GRM3: variants seen among roughly 807,000 people sequenced by gnomAD.
GRM3 encodes glutamate metabotropic receptor 3.
A neutral mutation model predicts 70.5 loss-of-function variants in GRM3; 26 were observed. The observed-to-expected ratio is 0.37, with a 90% CI of 0.27 to 0.51. GRM3 has a LOEUF of 0.51. Ranked by LOEUF, GRM3 falls within the 20% of genes least tolerant of loss-of-function variation. The pLI is 0.93. For synonymous variants in GRM3, 443 were observed against 434.9 expected (o/e 1.02, Z -0.23); for missense variants, 859 against 1,123.8 (o/e 0.76, Z 3.37).
chr7:86,647,367 C>T (rs1414122671), intron 1 of GRM3, among the ~76,000 whole-genome samples: 2 of 152,134 alleles, frequency 1.3e-5, no homozygotes, highest in Non-Finnish European at 2.9e-5. Flanking sequence ...AGCACATTGG[C>T]TTGGGGGTGA....
At chr7:86,733,823 T>C (rs952831733) in intron 1 of GRM3, among the ~76,000 whole-genome samples, 2 of 152,174 alleles carry the variant, frequency 1.3e-5, no homozygotes, top group South Asian at 2.1e-4. Context: ...GCACAGGCCA[T>C]ATGTACAGCA....
intron 1 of GRM3, among the ~76,000 whole-genome samples, chr7:86,714,826 G>T (rs1795279601): frequency 6.6e-6 from 1 of 151,920 alleles, no homozygotes; most frequent in South Asian, 2.1e-4. Flanking sequence ...CCAGGCAAGG[G>T]TTATGATAAT....
intron 3 of GRM3, among the ~76,000 whole-genome samples, chr7:86,799,862 G>A (rs1797642291): frequency 6.6e-6 from 1 of 152,114 alleles, no homozygotes; most frequent in African/African-American, 2.4e-5. Flanking sequence ...TTAACGTGAA[G>A]GTATGTTGAA....
chr7:86,815,036 T>C (rs1168854554), intron 3 of GRM3, among the ~76,000 whole-genome samples: 2 of 151,798 alleles, frequency 1.3e-5, no homozygotes, highest in African/African-American at 2.4e-5. Context: ...CTATGTTCAA[T>C]TTAGGACTTA....
intron 1 of GRM3, among the ~76,000 whole-genome samples, chr7:86,726,285 A>T (rs1377863293): frequency 1.3e-5 from 2 of 152,190 alleles, no homozygotes; most frequent in African/African-American, 4.8e-5. Context: ...TCCTTCAGTC[A>T]TGGGACCTTG....
Position 86,786,988 on chromosome 7 carries a change from C to T in GRM3, c.1196C>T (p.Ala399Val), listed in dbSNP as rs2116549797. ...KIMFVVNAVYAMAHALHKMQR... is the reference protein window; with the variant it reads ...KIMFVVNAVYVMAHALHKMQR... ...ATGTTTGTGGTGAACGCGGTGTATG[C>T]CATGGCCCACGCTTTGCACAAAATG... Residue 399 changes from alanine to valine, a missense_variant, in exon 3 of 6, where the codon GCC (alanine) becomes GTC (valine). Physicochemically the swap from Ala to Val is moderately conservative, Grantham distance 64. Coordinates refer to ENST00000361669, the MANE Select transcript of GRM3 (RefSeq NM_000840.3). This position sits in a 1 kb window ranked among gnomAD's most constrained non-coding sequence, Gnocchi z 6.0. 6.2e-7 allele frequency: 1 copy of T among 1,614,064 alleles called. No homozygotes were observed. The highest frequency in any genetic ancestry group is 2.2e-5 in the East Asian group (1 of 44,874).
At chr7:86,800,490 A>C (rs188252792) in intron 3 of GRM3, among the ~76,000 whole-genome samples, 2 of 152,234 alleles carry the variant, frequency 1.3e-5, no homozygotes, top group Non-Finnish European at 2.9e-5. Flanking sequence ...ACAAGCAACC[A>C]TCAGAGAATA....
intron 1 of GRM3, among the ~76,000 whole-genome samples, chr7:86,687,855 T>C (rs115949342): frequency 0.013 from 2,039 of 151,950 alleles, 37 homozygotes; most frequent in African/African-American, 0.047. Flanking sequence ...AATAAAAATG[T>C]ATTGTAATTA....
intron 3 of GRM3, among the ~76,000 whole-genome samples, chr7:86,816,630 CT>C (rs1399333360): frequency 6.6e-6 from 1 of 151,920 alleles, no homozygotes; most frequent in East Asian, 1.9e-4. Flanking sequence ...GATCTCGTTC[CT>C]TTTTATGACT....
At chr7:86,721,630 G>A (rs1339974802) in intron 1 of GRM3, among the ~76,000 whole-genome samples, 1 of 152,052 alleles carries the variant, frequency 6.6e-6, no homozygotes, top group Non-Finnish European at 1.5e-5. Flanking sequence ...TAAGATCTGA[G>A]AGGAATCACA....
chr7:86,735,943 T>C (rs553467994), intron 1 of GRM3, among the ~76,000 whole-genome samples: 2 of 152,192 alleles, frequency 1.3e-5, no homozygotes, highest in Non-Finnish European at 2.9e-5. Flanking sequence ...ATTTTGCAGA[T>C]GAGAAAACTG....
At chr7:86,796,260 C>T (rs1797548296) in intron 3 of GRM3, among the ~76,000 whole-genome samples, 1 of 152,144 alleles carries the variant, frequency 6.6e-6, no homozygotes, top group African/African-American at 2.4e-5. Flanking sequence ...GGAAGGGATC[C>T]TATTTTAATT....
At chr7:86,694,307 C>T (rs956356477) in intron 1 of GRM3, among the ~76,000 whole-genome samples, 2 of 151,766 alleles carry the variant, frequency 1.3e-5, no homozygotes, top group Non-Finnish European at 1.5e-5. Context: ...GGGCAGATCA[C>T]GAGGTCAGGA....
chr7:86,736,224 G>GGAA (rs1201453086), intron 1 of GRM3, among the ~76,000 whole-genome samples: 1 of 152,122 alleles, frequency 6.6e-6, no homozygotes, highest in South Asian at 2.1e-4. Context: ...GATCCTCATG[G>GGAA]GAAGGCAGGT....
At chr7:86,847,122 T>C (rs890380477) in intron 4 of GRM3, among the ~76,000 whole-genome samples, 1 of 152,206 alleles carries the variant, frequency 6.6e-6, no homozygotes, top group Non-Finnish European at 1.5e-5. Context: ...GAATCTTTTA[T>C]AATGAATAGT....
chr7:86,754,690 G>A (rs1796304251), intron 1 of GRM3, among the ~76,000 whole-genome samples: 1 of 152,114 alleles, frequency 6.6e-6, no homozygotes. Context: ...TAAAGGGTAT[G>A]GGAAAGACAG....
chr7:86,663,179 T>C (rs1223704074), intron 1 of GRM3, among the ~76,000 whole-genome samples: 1 of 151,836 alleles, frequency 6.6e-6, no homozygotes, highest in Non-Finnish European at 1.5e-5. Context: ...CTAGGGTACT[T>C]CTACTTATAG....
At chr7:86,651,927 A>G in intron 1 of GRM3, among the ~76,000 whole-genome samples, 1 of 152,274 alleles carries the variant, frequency 6.6e-6, no homozygotes, top group East Asian at 1.9e-4. Context: ...AAGAAGTACT[A>G]AAGAACATAT....
intron 1 of GRM3, among the ~76,000 whole-genome samples, chr7:86,675,758 A>G (rs1274053189): frequency 6.6e-6 from 1 of 152,108 alleles, no homozygotes; most frequent in East Asian, 1.9e-4. Flanking sequence ...CTTTTGCAAA[A>G]TTCTTCTTGC....
Sources: allele counts gnomAD v4.1 joint callset (sites outside exome capture counted in the v4.1 genomes callset), GRCh38; gene constraint gnomAD v4.1.1; non-coding constraint Gnocchi (gnomAD v3.1); transcripts MANE v1.5; gene names NCBI Gene and HGNC (gene_info 2026-07-23, HGNC 2026-07-21).